HYDIN: variants seen among roughly 807,000 people sequenced by gnomAD.
HYDIN encodes the protein axonemal central pair apparatus protein HYDIN.
A neutral mutation model predicts 403.9 loss-of-function variants in HYDIN; 132 were observed. The ratio of observed to expected loss-of-function variants is 0.33; its 90% CI spans 0.28 to 0.38. The LOEUF (loss-of-function observed/expected upper bound fraction) is 0.38, where lower values mean the gene tolerates loss of function less well. Among genes scored for constraint, HYDIN ranks in the 10% least tolerant of loss-of-function variants. The probability of loss-of-function intolerance (pLI) is 1.00; values close to 1 mark genes in which losing one functional copy is unlikely to be tolerated. For synonymous variants in HYDIN, 1,202 were observed against 1,891.7 expected (o/e 0.64, Z 9.46); for missense variants, 2,827 against 5,009.5 (o/e 0.56, Z 13.15).
At chr16:70,835,599 T>G (rs1597080963) in intron 78 of HYDIN, 77 bp downstream of exon 78, 2 of 613,324 alleles carry the variant, frequency 3.3e-6, no homozygotes. Context: ...AAATGTGAGC[T>G]GCTAGTGTTG....
Position 71,194,101 on chromosome 16 carries a change from T to C in HYDIN, c.-23-7183A>G, listed in dbSNP as rs571711519. Among the ~76,000 whole-genome samples, 7 of 152,360 alleles carry C rather than the reference T, an allele frequency of 4.6e-5. No individual in the cohort carries two copies. The East Asian group carries it at 7.7e-4, about 17-fold the overall frequency. ...TATAAACATTGCTTGATAAAAATGT[T>C]TTCCCCCAGTTTTAAAAAAATAATT... On this transcript the variant is annotated intron_variant, in intron 1 of 85. Transcript: ENST00000393567.
At chr16:70,879,218 T>C (rs2040627571) in intron 62 of HYDIN, 79 bp downstream of exon 62, 2 of 1,205,864 alleles carry the variant, frequency 1.7e-6, no homozygotes, top group Non-Finnish European at 1.2e-6. Flanking sequence ...ACATTAGGCA[T>C]GGCAGAGGCC....
At chr16:70,970,485 G>A (rs769179474) in intron 36 of HYDIN, 35 bp downstream of exon 36, 13 of 1,604,796 alleles carry the variant, frequency 8.1e-6, no homozygotes, top group East Asian at 2.2e-5. Context: ...AGATGGGAAC[G>A]TGTAGAAAAA....
At chr16:70,808,855 C>CCT (rs779060515) in intron 85 of HYDIN, among the ~76,000 whole-genome samples, 2 of 152,196 alleles carry the variant, frequency 1.3e-5, no homozygotes, top group Non-Finnish European at 1.5e-5. Context: ...ACTGTCCCCT[C>CCT]TTCCCTTGTA....
In HYDIN at chr16:70,862,177, G is replaced by A; in HGVS notation, c.11648C>T (p.Ala3883Val). Residue 3883 changes from alanine to valine, a missense_variant, in exon 69 of 86, where the codon GCC becomes GTC. Physicochemically the swap from Ala to Val is moderately conservative, Grantham distance 64. Coordinates refer to ENST00000393567, the MANE Select transcript of HYDIN (RefSeq NM_001270974.2). ...STLDSTMDHW[A>V]EGSPQPFSVE... The stretch of plus-strand genomic sequence containing the variant: ...AGAGAAGGGCTGTGGGGAACCCTCG[G>A]CCCAGTGGTCCATGGTGCTGTCCAG... 6.2e-7 allele frequency: 1 copy of A among 1,613,448 alleles called. No individual in the cohort carries two copies. The highest frequency in any genetic ancestry group is 8.5e-7 in the Non-Finnish European group (1 of 1,179,822).
At position 71,069,257 on chromosome 16, in the gene HYDIN, T is replaced by C. The variant is rs755119292; in HGVS notation, c.1974+10A>G. On this transcript the variant is annotated intron_variant, in intron 14 of 85. Transcript: ENST00000393567. ...CTTAGCTGTGTGTGCAGGAAGGCCA[T>C]GCACTTTACCCTGATAGCAGCAAAT... 5.0e-6 allele frequency: 8 copies of C among 1,607,096 alleles called. No individual in the cohort carries two copies. The highest frequency in any genetic ancestry group is 2.2e-5 in the South Asian group (2 of 90,608).
intron 60 of HYDIN, among the ~76,000 whole-genome samples, chr16:70,881,207 C>T (rs757049611): frequency 3.0e-4 from 37 of 121,456 alleles, no homozygotes; most frequent in Non-Finnish European, 5.1e-4. Flanking sequence ...GCCTGGGCAA[C>T]GAGAGTGAGA....
At chr16:70,886,941 A>G (rs2041175296) in intron 58 of HYDIN, among the ~76,000 whole-genome samples, 1 of 152,026 alleles carries the variant, frequency 6.6e-6, no homozygotes, top group Non-Finnish European at 1.5e-5. Flanking sequence ...ATCTTTTGCC[A>G]AATTTGAAAA....
intron 1 of HYDIN, among the ~76,000 whole-genome samples, chr16:71,206,308 C>T (rs773994788): frequency 1.7e-4 from 26 of 152,176 alleles, no homozygotes; most frequent in Admixed American, 1.3e-4. Context: ...GACACAGAGA[C>T]AGTAATAGGA....
chr16:71,106,687 T>C (rs2083629277), intron 10 of HYDIN, among the ~76,000 whole-genome samples: 1 of 151,900 alleles, frequency 6.6e-6, no homozygotes, highest in Admixed American at 6.6e-5. Context: ...ATTTACATAA[T>C]GGAACACTGT....
chr16:71,106,718 C>T (rs1417334370), intron 10 of HYDIN, among the ~76,000 whole-genome samples: 5 of 151,298 alleles, frequency 3.3e-5, no homozygotes, highest in Admixed American at 3.3e-4. Context: ...AAATGAAATA[C>T]AACTAGAGCA....
intron 47 of HYDIN, among the ~76,000 whole-genome samples, chr16:70,911,972 A>T (rs540403100): frequency 9.8e-4 from 149 of 151,648 alleles, no homozygotes; most frequent in Middle Eastern, 3.4e-3. Context: ...GTATCCAGAA[A>T]CTGCTGAATT....
chr16:71,133,633 A>G (rs1156955182), intron 8 of HYDIN, among the ~76,000 whole-genome samples: 2 of 152,202 alleles, frequency 1.3e-5, no homozygotes, highest in Non-Finnish European at 2.9e-5. Context: ...GCTGGCTGCT[A>G]TTGAGAAAAC....
chr16:70,908,082 C>T (rs183315047), intron 49 of HYDIN, among the ~76,000 whole-genome samples, 170 bp downstream of exon 49: 2 of 152,318 alleles, frequency 1.3e-5, no homozygotes, highest in East Asian at 3.9e-4. Flanking sequence ...AGTATCATGT[C>T]CTCCCTGTGG....
chr16:70,900,476 CAA>C (rs71857692), intron 53 of HYDIN, among the ~76,000 whole-genome samples: 14 of 63,462 alleles, frequency 2.2e-4, no homozygotes, highest in Admixed American at 3.6e-4. Context: ...GACTCCATCT[CAA>C]AAAAAAAAAA....
At chr16:70,951,022 G>A (rs1390088682) in intron 41 of HYDIN, among the ~76,000 whole-genome samples, 2 of 152,098 alleles carry the variant, frequency 1.3e-5, no homozygotes, top group East Asian at 1.9e-4. Context: ...ATCGCTTGAG[G>A]CCAAGAGTTC....
intron 5 of HYDIN, among the ~76,000 whole-genome samples, 179 bp from the exon 6 acceptor site, chr16:71,162,909 G>C (rs562881062): frequency 2.6e-5 from 4 of 152,238 alleles, no homozygotes; most frequent in Non-Finnish European, 4.4e-5. Flanking sequence ...GAGAGAGAGA[G>C]AGAGAGAGAG....
At chr16:70,907,158 CT>C (rs1458137603) in intron 50 of HYDIN, among the ~76,000 whole-genome samples, 1 of 152,202 alleles carries the variant, frequency 6.6e-6, no homozygotes, top group Non-Finnish European at 1.5e-5. Flanking sequence ...GAAACCTCTC[CT>C]AGGCTTTCCC....
intron 75 of HYDIN, among the ~76,000 whole-genome samples, chr16:70,845,905 G>T (rs9746273): frequency 0.18 from 23,799 of 135,820 alleles, 4,562 homozygotes; most frequent in African/African-American, 0.5. Context: ...TATCATTTTT[G>T]ATTGTGTCTA....
Sources: allele counts gnomAD v4.1 joint callset (sites outside exome capture counted in the v4.1 genomes callset), GRCh38; gene constraint gnomAD v4.1.1; transcripts MANE v1.5; gene names NCBI Gene and HGNC (gene_info 2026-07-23, HGNC 2026-07-21).